MAX: variants seen among roughly 807,000 people sequenced by gnomAD.
MAX encodes protein max.
A neutral mutation model predicts 22.3 loss-of-function variants in MAX; 3 were observed. That is an observed-to-expected ratio of 0.13 (90% CI 0.06 to 0.35). The LOEUF (loss-of-function observed/expected upper bound fraction) is 0.35, where lower values mean the gene tolerates loss of function less well. Ranked by LOEUF, MAX falls within the 10% of genes least tolerant of loss-of-function variation. MAX has a pLI of 1.00. For missense variants in MAX, 119 were observed against 209.4 expected (o/e 0.57, Z 2.66); for synonymous variants, 72 against 77.7 (o/e 0.93, Z 0.39).
rs2062037462 is a variant in MAX, at chr14:65,029,268, C to A, written c.172-22984G>T. Reference sequence around the variant, plus strand: ...CTGGTTTCTAGTACCCCGATTCCATCATTTTTCACTTGGCATTTCTTTCAT... The same window carrying A: ...CTGGTTTCTAGTACCCCGATTCCATAATTTTTCACTTGGCATTTCTTTCAT... On this transcript the variant is annotated intron_variant, in intron 3 of 3. Coordinates refer to the MAX transcript ENST00000341653. The surrounding 1 kb of genome is among the most constrained non-coding windows in gnomAD (Gnocchi z 4.7). Among the ~76,000 whole-genome samples, 1 of 152,216 alleles carries A rather than the reference C, an allele frequency of 6.6e-6. No homozygotes were observed. Among genetic ancestry groups the A allele is most frequent in the South Asian group, 2.1e-4 (1 of 4,826 alleles).
At chr14:65,025,208 T>C (rs1595047728) in intron 3 of MAX, among the ~76,000 whole-genome samples, 1 of 152,202 alleles carries the variant, frequency 6.6e-6, no homozygotes, top group Non-Finnish European at 1.5e-5. Flanking sequence ...GTGTGTCTGG[T>C]ACATTCAGAT....
chr14:65,019,060 C>T (rs1267699689), intron 3 of MAX, among the ~76,000 whole-genome samples: 2 of 152,212 alleles, frequency 1.3e-5, no homozygotes, highest in South Asian at 2.1e-4. Context: ...CTCCCGGCTC[C>T]TACTCAGGAG....
intron 2 of MAX, among the ~76,000 whole-genome samples, chr14:65,096,281 G>C (rs2063674402): frequency 6.6e-6 from 1 of 152,178 alleles, no homozygotes; most frequent in East Asian, 1.9e-4. Flanking sequence ...GCTACTAGTG[G>C]AGTCAATTTT....
At position 65,034,459 on chromosome 14, in the gene MAX, A is replaced by G. The variant is rs546343328; in HGVS notation, c.172-28175T>C. Among the ~76,000 whole-genome samples the G allele has an allele frequency of 2.0e-5, 3 of 152,284 alleles. No individual in the cohort carries two copies. The South Asian group carries it at 6.2e-4, about 32-fold the overall frequency. On this transcript the variant is annotated intron_variant, in intron 3 of 3. Transcript: ENST00000341653. ...CTTAATTATTTGGTTAGAGATTTCT[A>G]ACTTGGCAATGGTATAAACTGTAGT...
At position 65,075,575 on chromosome 14, in the gene MAX, G is replaced by A. The variant is rs2063036804; in HGVS notation, c.*901C>T. ...TTCATCATTACTTTATGAATCTGTCGCTTTGCAAGACCGACATCATCAGAA... is the reference window on the plus strand; with the variant it reads ...TTCATCATTACTTTATGAATCTGTCACTTTGCAAGACCGACATCATCAGAA... On this transcript the variant is annotated 3_prime_UTR_variant, in exon 5 of 5. Transcript: ENST00000358664. This position sits in a 1 kb window ranked among gnomAD's most constrained non-coding sequence, Gnocchi z 4.1. The A allele has an allele frequency of 3.8e-6, 4 of 1,066,046 alleles. No individual in the cohort carries two copies. Among genetic ancestry groups the A allele is most frequent in the East Asian group, 5.0e-5 (1 of 20,102 alleles). 66.0% of individuals were successfully genotyped at this position (1,066,046 alleles called of 1,614,324 possible).
In MAX at chr14:65,076,513, G is replaced by A. The variant is rs1441783757; in HGVS notation, c.446C>T (p.Pro149Leu). 3 of 1,613,906 alleles carry A rather than the reference G, an allele frequency of 1.9e-6. No individual in the cohort carries two copies. Among genetic ancestry groups the A allele is most frequent in the East Asian group, 2.2e-5 (1 of 44,874 alleles). The change falls in exon 5 of 5, where the codon CCC becomes CTC. Residue 149 changes from proline (P) to leucine (L), a missense_variant. Pro to Leu is a moderately conservative substitution (Grantham distance 98, BLOSUM62 -3). Transcript: ENST00000358664. The surrounding 1 kb of genome is among the most constrained non-coding windows in gnomAD (Gnocchi z 6.6). ...DSSSESEPEE[P>L]QSRKKLRMEA... ...CATCCGGAGCTTCTTCCTGCTTTGG[G>A]GCTCTTCAGGCTCAGACTCCGAGCT... is the stretch of plus-strand genomic sequence containing the variant.
intron 3 of MAX, chr14:65,061,083 T>C (rs1446215938): frequency 2.6e-6 from 4 of 1,542,352 alleles, no homozygotes; most frequent in African/African-American, 1.4e-5. Context: ...TGATTCCTTA[T>C]ACTAAATTCT....
intron 3 of MAX, among the ~76,000 whole-genome samples, chr14:65,042,343 C>A (rs559807160): frequency 1.3e-5 from 2 of 152,326 alleles, no homozygotes; most frequent in South Asian, 2.1e-4. Flanking sequence ...TGTTTTCTTT[C>A]AACTAGACAG....
chr14:65,006,323 AT>A, intron 3 of MAX: 1 of 1,610,008 alleles, frequency 6.2e-7, no homozygotes, highest in Non-Finnish European at 8.5e-7. Context: ...GCTTACTAGT[AT>A]AGTCTTTCCC....
At chr14:65,017,835 A>T (rs2061808181) in intron 3 of MAX, among the ~76,000 whole-genome samples, 1 of 151,994 alleles carries the variant, frequency 6.6e-6, no homozygotes, top group African/African-American at 2.4e-5. Context: ...CATGCCTGTC[A>T]TCCCAGCTAC....
At chr14:65,053,422 T>G in intron 3 of MAX, 1 of 1,222,568 alleles carries the variant, frequency 8.2e-7, no homozygotes, top group African/African-American at 1.6e-5. Context: ...TCAGGCCTAC[T>G]CAGAGCCAGA....
At chr14:65,036,087 C>T (rs1007241602) in intron 3 of MAX, among the ~76,000 whole-genome samples, 6 of 152,074 alleles carry the variant, frequency 3.9e-5, no homozygotes, top group Admixed American at 6.6e-5. Flanking sequence ...CCTGCCTCAG[C>T]CCCACAAAGT....
rs887405112 is a variant in MAX at position 65,031,853 on chromosome 14, G to A, written c.172-25569C>T. On this transcript the variant is annotated intron_variant, in intron 3 of 3. Transcript: ENST00000341653. This position sits in a 1 kb window ranked among gnomAD's most constrained non-coding sequence, Gnocchi z 4.6. ...GGAGAATTGCTTGAACCCAGGAGGC[G>A]GAGGTTGCAGTGAGCTGAGATCATA... Among the ~76,000 whole-genome samples, 5 of 152,190 alleles carry A rather than the reference G, an allele frequency of 3.3e-5. No individual in the cohort carries two copies. In the East Asian group the frequency reaches 5.8e-4, roughly 18 times the overall value.
Position 65,054,358 on chromosome 14 carries a change from G to T in MAX, c.171+39350C>A, listed in dbSNP as rs1448522639. Among the ~76,000 whole-genome samples, 2 of 151,756 alleles carry T rather than the reference G, an allele frequency of 1.3e-5. No homozygotes were observed. Among genetic ancestry groups the T allele is most frequent in the Non-Finnish European group, 2.9e-5 (2 of 67,986 alleles). ...ACTCCTGGCCTCAAACCGTTCTCTT[G>T]CCTCAGCCTCCTGCTTGCTGGGATT... is the stretch of plus-strand genomic sequence containing the variant. On this transcript the variant is annotated intron_variant, in intron 3 of 3. Transcript: ENST00000341653. This position sits in a 1 kb window ranked among gnomAD's most constrained non-coding sequence, Gnocchi z 4.4.
chr14:65,014,994 C>T lies in MAX; in HGVS notation c.172-8710G>A, dbSNP rs1039382703. On this transcript the variant is annotated intron_variant, in intron 3 of 3. Coordinates refer to the MAX transcript ENST00000341653. This position sits in a 1 kb window ranked among gnomAD's most constrained non-coding sequence, Gnocchi z 5.1. ...CCGAGAAAATAGCAGCCCCTAACCT[C>T]CTGGCCTGTAGGAAGTCCTCTGCTC... Among the ~76,000 whole-genome samples the T allele has an allele frequency of 1.3e-5, 2 of 152,078 alleles. No homozygotes were observed. The highest frequency in any genetic ancestry group is 2.9e-5 in the Non-Finnish European group (2 of 67,994).
At chr14:65,083,709 T>A in intron 3 of MAX, 1 of 1,047,358 alleles carries the variant, frequency 9.5e-7, no homozygotes, top group Non-Finnish European at 1.2e-6. Context: ...CAAAATGCCA[T>A]ATCTGGAGGG....
In MAX at chr14:65,018,745, C is replaced by T. The variant is rs910322697; in HGVS notation, c.172-12461G>A. Among the ~76,000 whole-genome samples, 11 of 144,922 alleles carry T rather than the reference C, an allele frequency of 7.6e-5. No individual in the cohort carries two copies. The South Asian group carries it at 8.8e-4, about 12-fold the overall frequency. ...GAATTGCTTGAATCTGGGAGGTGGA[C>T]GTTGCGACGAGCCAAGATCATGCCA... On this transcript the variant is annotated intron_variant, in intron 3 of 3. Coordinates refer to the MAX transcript ENST00000341653.
rs1199650092 is a variant in MAX at position 65,076,901 on chromosome 14, A to G, written c.296-238T>C. 1 of 615,470 alleles carries G rather than the reference A, an allele frequency of 1.6e-6. No homozygotes were observed. Among genetic ancestry groups the G allele is most frequent in the African/African-American group, 1.8e-5 (1 of 54,924 alleles). The allele number at this position is 615,470 out of a possible 1,614,324, so 38.1% of individuals were successfully genotyped here. On this transcript the variant is annotated intron_variant, in intron 4 of 4. Coordinates refer to ENST00000358664, the MANE Select transcript of MAX (RefSeq NM_002382.5). This position sits in a 1 kb window ranked among gnomAD's most constrained non-coding sequence, Gnocchi z 6.6. ...ACTCTGCAATCCCACCCAACTCTGA[A>G]GAGAAGGCTTGTGATGTCACCGTCC...
chr14:65,050,668 C>T (rs2062586879), intron 3 of MAX, among the ~76,000 whole-genome samples: 3 of 152,144 alleles, frequency 2.0e-5, no homozygotes, highest in Admixed American at 1.3e-4. Flanking sequence ...TATATAAAGT[C>T]TTTGTTTTTA....
Sources: gnomAD v4.1 joint callset for allele counts (sites outside exome capture counted in the v4.1 genomes callset) on GRCh38, gnomAD v4.1.1 for gene constraint, Gnocchi (gnomAD v3.1) non-coding constraint, MANE v1.5 for transcripts, NCBI Gene and HGNC (gene_info 2026-07-23, HGNC 2026-07-21) for gene names.